SLC25A18: variants seen among roughly 807,000 people sequenced by gnomAD.
SLC25A18 encodes the protein solute carrier family 25 member 18, also known as mitochondrial glutamate carrier 2.
In SLC25A18, 24 loss-of-function variants were observed where a neutral mutation model predicts 31.1. That is an observed-to-expected ratio of 0.77 (90% confidence interval 0.56 to 1.08). SLC25A18 has a LOEUF of 1.08. Ranked by LOEUF, SLC25A18 falls within the 50% of genes least tolerant of loss-of-function variation. SLC25A18 has a pLI of 0.00. For synonymous variants in SLC25A18, 173 were observed against 161.9 expected (o/e 1.07, Z -0.52); for missense variants, 371 against 418.5 (o/e 0.89, Z 0.99).
chr22:17,579,091 GTTTGT>G (rs2057305670), intron 2 of SLC25A18, among the ~76,000 whole-genome samples: 2 of 150,164 alleles, frequency 1.3e-5, no homozygotes, highest in Admixed American at 6.6e-5. Context: ...TTGTTTGTTT[GTTTGT>G]TTGTTTGTTT....
chr22:17,583,021 G>A (rs2057422643), intron 6 of SLC25A18, among the ~76,000 whole-genome samples: 1 of 152,066 alleles, frequency 6.6e-6, no homozygotes. Flanking sequence ...GTTGCAGTGA[G>A]CCATGTTGGC....
At position 17,563,678 on chromosome 22, in the gene SLC25A18, GA is replaced by G; in HGVS notation, c.-298del. ...CTGGCCCGTGAGTGCCTCAACAACTGAGATGAACGTCGACTCGCTTGCAGGC... is the reference window on the plus strand; with the variant it reads ...CTGGCCCGTGAGTGCCTCAACAACTGGATGAACGTCGACTCGCTTGCAGGC... On this transcript the variant is annotated 5_prime_UTR_variant, in exon 1 of 11. Transcript: ENST00000327451. The G allele has an allele frequency of 2.0e-6, 2 of 985,406 alleles. No homozygotes were observed. Among genetic ancestry groups the G allele is most frequent in the Non-Finnish European group, 2.4e-6 (2 of 829,928 alleles). The allele number at this position is 985,406 out of a possible 1,614,324, so 61.0% of individuals were successfully genotyped here.
chr22:17,569,001 C>T (rs190492057), intron 1 of SLC25A18, among the ~76,000 whole-genome samples: 1 of 151,642 alleles, frequency 6.6e-6, no homozygotes, highest in East Asian at 1.9e-4. Context: ...TTAAGAGGAA[C>T]CTCTTCTTTA....
At chr22:17,569,133 C>G (rs1234019990) in intron 1 of SLC25A18, among the ~76,000 whole-genome samples, 1 of 151,238 alleles carries the variant, frequency 6.6e-6, no homozygotes, top group Non-Finnish European at 1.5e-5. Context: ...CTCCGCATCC[C>G]GAGTAGCTGG....
chr22:17,570,131 C>A, intron 2 of SLC25A18, 145 bp downstream of exon 2: 1 of 496,628 alleles, frequency 2.0e-6, no homozygotes, highest in Non-Finnish European at 2.6e-6. Flanking sequence ...AAGGGGTGGG[C>A]ACGAGGAAGT....
chr22:17,565,870 A>C (rs1190908373), intron 1 of SLC25A18, among the ~76,000 whole-genome samples: 1 of 152,104 alleles, frequency 6.6e-6, no homozygotes, highest in Non-Finnish European at 1.5e-5. Flanking sequence ...TCCGTCTCAA[A>C]AAATAAAGAG....
chr22:17,581,296 G>C (rs2057366652), intron 4 of SLC25A18, 62 bp from the exon 5 acceptor site: 2 of 1,608,660 alleles, frequency 1.2e-6, no homozygotes, highest in Non-Finnish European at 1.7e-6. Context: ...CGCGGGAGCA[G>C]GGCATGGAGG....
intron 2 of SLC25A18, among the ~76,000 whole-genome samples, chr22:17,572,042 C>T (rs2057102390): frequency 6.7e-6 from 1 of 149,916 alleles, no homozygotes; most frequent in Admixed American, 6.7e-5. Flanking sequence ...AAAAACTTTG[C>T]CAGGTGTGGT....
chr22:17,589,718 G>A (rs2057664117), intron 10 of SLC25A18, 53 bp downstream of exon 10: 6 of 1,559,416 alleles, frequency 3.8e-6, no homozygotes, highest in South Asian at 3.3e-5. Flanking sequence ...CTCTGCGTGG[G>A]TGTCTGCCTA....
At chr22:17,586,263 C>T (rs1233460812) in intron 7 of SLC25A18, among the ~76,000 whole-genome samples, 1 of 152,196 alleles carries the variant, frequency 6.6e-6, no homozygotes, top group African/African-American at 2.4e-5. Context: ...GCCTGTAATC[C>T]CAGCACTTTG....
In SLC25A18 at chr22:17,590,327, T is replaced by C; in HGVS notation, c.*91T>C. 1 of 1,514,446 alleles carries C rather than the reference T, an allele frequency of 6.6e-7. No individual in the cohort carries two copies. The highest frequency in any genetic ancestry group is 9.0e-7 in the Non-Finnish European group (1 of 1,106,150). 93.8% of individuals were successfully genotyped at this position (1,514,446 alleles called of 1,614,324 possible). On this transcript the variant is annotated 3_prime_UTR_variant, in exon 11 of 11. Transcript: ENST00000327451. ...GGGGCAAGGGCAGGTGGGGCCACTCTGGCCTGCCTGGTCCTCTGCGTTGTA... is the reference window on the plus strand; with the variant it reads ...GGGGCAAGGGCAGGTGGGGCCACTCCGGCCTGCCTGGTCCTCTGCGTTGTA...
At position 17,584,399 on chromosome 22, in the gene SLC25A18, A is replaced by AAAAG. The variant is rs1187381986; in HGVS notation, c.409+888_409+891dup. On this transcript the variant is annotated intron_variant, in intron 7 of 10. Transcript: ENST00000327451. ...CAGAGCAAGACTCCATCTCAAAAAGAAAAGAAAGAAAGAAAGAAAGAAAGA... is the reference window on the plus strand; with the variant it reads ...CAGAGCAAGACTCCATCTCAAAAAGAAAAGAAAGAAAGAAAGAAAGAAAGAAAGA... 3.4e-3 allele frequency among the ~76,000 whole-genome samples: 376 copies of AAAAG among 110,752 alleles called. 2 individuals carry two copies. The highest frequency in any genetic ancestry group is 0.02 in the East Asian group (89 of 4,452). The allele number at this position is 110,752 out of a possible 152,430, so 72.7% of individuals were successfully genotyped here. A position where few individuals can be genotyped will look rare whatever the true frequency, so the allele number is the denominator to read the frequency against.
At position 17,574,830 on chromosome 22, in the gene SLC25A18, T is replaced by TTTTTTATTATTATTATTA. The variant is rs1555947157; in HGVS notation, c.-201+4846_-201+4847insTTTATTATTATTATTATT. Among the ~76,000 whole-genome samples the TTTTTTATTATTATTATTA allele has an allele frequency of 1.9e-3, 265 of 137,862 alleles. 6 individuals carry two copies. The highest frequency in any genetic ancestry group is 6.8e-3 in the African/African-American group (236 of 34,906). The allele number at this position is 137,862 out of a possible 152,430, so 90.4% of individuals were successfully genotyped here. On this transcript the variant is annotated intron_variant, in intron 2 of 10. Coordinates refer to ENST00000327451, the MANE Select transcript of SLC25A18 (RefSeq NM_031481.3). ...GCCACTGTGCCTGGCCAATGTTCCC[T>TTTTTTATTATTATTATTA]TTATTATTATTATTATTATTATTTA...
chr22:17,571,252 T>A (rs2057079836), intron 2 of SLC25A18, among the ~76,000 whole-genome samples: 1 of 152,028 alleles, frequency 6.6e-6, no homozygotes. Flanking sequence ...CCCTCAGGCA[T>A]CCGGAGGGAC....
rs954987422 is a variant in SLC25A18 at position 17,572,751 on chromosome 22, C to T, written c.-201+2765C>T. On this transcript the variant is annotated intron_variant, in intron 2 of 10. Transcript: ENST00000327451. ...CCGCCTCCCGGGTTCACACCATTCT[C>T]CTGCCTCAGCCTCCCGAGTAGCTGG... Among the ~76,000 whole-genome samples, 33 of 142,430 alleles carry T rather than the reference C, an allele frequency of 2.3e-4. 3 individuals carry two copies. Among genetic ancestry groups the T allele is most frequent in the African/African-American group, 8.3e-4 (29 of 34,928 alleles). The allele number at this position is 142,430 out of a possible 152,430, so 93.4% of individuals were successfully genotyped here.
chr22:17,587,052 G>C (rs1043706145), intron 7 of SLC25A18, 84 bp from the exon 8 acceptor site: 1 of 1,473,422 alleles, frequency 6.8e-7, no homozygotes, highest in African/African-American at 1.4e-5. Context: ...ACTGTCCCAG[G>C]GGCAGGGATT....
chr22:17,572,637 A>ATTTT (rs1274237439), intron 2 of SLC25A18, among the ~76,000 whole-genome samples: 31 of 108,784 alleles, frequency 2.8e-4, no homozygotes, highest in African/African-American at 7.7e-4. Flanking sequence ...CTACAAATAA[A>ATTTT]TTTTTTTTTT....
At position 17,581,424 on chromosome 22, in the gene SLC25A18, C is replaced by T. The variant is rs530751844; in HGVS notation, c.199+11C>T. The T allele has an allele frequency of 7.4e-6, 12 of 1,614,012 alleles. No homozygotes were observed. Among genetic ancestry groups the T allele is most frequent in the African/African-American group, 1.3e-5 (1 of 75,044 alleles). On this transcript the variant is annotated intron_variant, in intron 5 of 10. Coordinates refer to ENST00000327451, the MANE Select transcript of SLC25A18 (RefSeq NM_031481.3). ...TCGGCATGTACCGAGGTGGGCTTCT[C>T]AGGTCCCCTGGGAGGCTGGGCAGCA... is the stretch of plus-strand genomic sequence containing the variant.
At chr22:17,586,336 C>G (rs2057548808) in intron 7 of SLC25A18, among the ~76,000 whole-genome samples, 1 of 151,030 alleles carries the variant, frequency 6.6e-6, no homozygotes, top group South Asian at 2.1e-4. Context: ...TGGTAAGACA[C>G]CTTCTCTACT....
Sources: gnomAD v4.1 joint callset for allele counts (sites outside exome capture counted in the v4.1 genomes callset) on GRCh38, gnomAD v4.1.1 for gene constraint, MANE v1.5 for transcripts, NCBI Gene and HGNC (gene_info 2026-07-23, HGNC 2026-07-21) for gene names.